The following SMARCA1 variants were observed in gnomAD, a reference collection of about 807,000 sequenced individuals.
SMARCA1 encodes the protein SWI/SNF-related matrix-associated actin-dependent regulator of chromatin subfamily A member 1.
A neutral mutation model predicts 93.6 loss-of-function variants in SMARCA1; 17 were observed. The ratio of observed to expected loss-of-function variants is 0.18; its 90% CI spans 0.12 to 0.27. The LOEUF (loss-of-function observed/expected upper bound fraction) is 0.27, where lower values mean the gene tolerates loss of function less well. SMARCA1 is among the 10% of genes least tolerant of loss of function. The pLI is 1.00. For synonymous variants in SMARCA1, 271 were observed against 271.4 expected (o/e 1.00, Z 0.01); for missense variants, 630 against 819.0 (o/e 0.77, Z 2.82).
At chrX:129,471,385 G>A (rs1446752477) in intron 19 of SMARCA1, 59 bp from the exon 20 acceptor site, 1 of 761,624 alleles carries the variant, frequency 1.3e-6, no homozygotes, top group Non-Finnish European at 1.9e-6. Flanking sequence ...TACTAAGGCT[G>A]TATATACACA....
intron 6 of SMARCA1, 89 bp downstream of exon 6, chrX:129,511,715 C>T: frequency 8.3e-6 from 6 of 719,340 alleles, no homozygotes; most frequent in Non-Finnish European, 1.2e-5. Context: ...TAGTAGTCAA[C>T]TCAGATGTTT....
intron 23 of SMARCA1, among the ~76,000 whole-genome samples, chrX:129,457,812 T>C (rs1755589344): frequency 8.9e-6 from 1 of 112,080 alleles, no homozygotes; most frequent in Admixed American, 9.5e-5. Context: ...TGATTTCCTA[T>C]TCCATATGAC....
intron 23 of SMARCA1, among the ~76,000 whole-genome samples, chrX:129,463,348 A>C (rs957965375): frequency 8.9e-6 from 1 of 111,832 alleles, no homozygotes; most frequent in Non-Finnish European, 1.9e-5. Context: ...ACTGTGCTAA[A>C]GGGGACCTTA....
intron 5 of SMARCA1, among the ~76,000 whole-genome samples, chrX:129,513,739 T>C (rs947977875): frequency 4.6e-5 from 5 of 109,622 alleles, no homozygotes; most frequent in African/African-American, 1.7e-4. Context: ...CCTCCCCCTC[T>C]GAGCTGACAA....
intron 19 of SMARCA1, among the ~76,000 whole-genome samples, chrX:129,477,082 G>A (rs971493591): frequency 9.0e-6 from 1 of 111,345 alleles, no homozygotes; most frequent in African/African-American, 3.3e-5. Context: ...TCTAGGATAC[G>A]GCTGAAGAGA....
At chrX:129,499,063 G>A (rs6529380) in intron 10 of SMARCA1, among the ~76,000 whole-genome samples, 13,454 of 109,035 alleles carry the variant, frequency 0.12, 752 homozygotes, top group East Asian at 0.32. Flanking sequence ...TTTGAGACAC[G>A]GTCTCACTCT....
intron 6 of SMARCA1, among the ~76,000 whole-genome samples, chrX:129,509,804 TC>T (rs1319973133): frequency 8.9e-6 from 1 of 111,832 alleles, no homozygotes; most frequent in Non-Finnish European, 1.9e-5. Context: ...CTTTGATACC[TC>T]TGGCGTGGAA....
At chrX:129,475,466 C>G (rs1933339560) in intron 19 of SMARCA1, among the ~76,000 whole-genome samples, 1 of 110,957 alleles carries the variant, frequency 9.0e-6, no homozygotes, top group South Asian at 3.9e-4. Flanking sequence ...TTGCAGTGAG[C>G]TGACACAGTG....
chrX:129,455,101 C>G (rs906844936), intron 23 of SMARCA1, among the ~76,000 whole-genome samples: 4 of 111,581 alleles, frequency 3.6e-5, no homozygotes, highest in Non-Finnish European at 7.5e-5. Flanking sequence ...AATCCCATTA[C>G]TGAGTATGTA....
At chrX:129,492,609 T>TCTGTTGGTTG (rs1934170627) in intron 13 of SMARCA1, among the ~76,000 whole-genome samples, 1 of 111,224 alleles carries the variant, frequency 9.0e-6, no homozygotes, top group Admixed American at 9.6e-5. Flanking sequence ...AGAAGATTTC[T>TCTGTTGGTTG]ATCAGTATGG....
At chrX:129,451,175 T>C (rs1222057842) in intron 23 of SMARCA1, among the ~76,000 whole-genome samples, 1 of 112,244 alleles carries the variant, frequency 8.9e-6, no homozygotes, top group African/African-American at 3.2e-5. Context: ...ACCAAAACAA[T>C]AGTGATATCT....
chrX:129,502,148 A>T (rs750333894), intron 9 of SMARCA1, among the ~76,000 whole-genome samples: 1 of 111,658 alleles, frequency 9.0e-6, no homozygotes, highest in East Asian at 2.8e-4. Flanking sequence ...GAGATACTTA[A>T]GCAAAAAGAC....
chrX:129,509,403 T>A (rs751631280), intron 6 of SMARCA1, among the ~76,000 whole-genome samples: 12 of 109,921 alleles, frequency 1.1e-4, no homozygotes, highest in African/African-American at 4.0e-4. Context: ...GAGATCTCAG[T>A]TGCACCCTGG....
chrX:129,455,456 G>C (rs1338641831), intron 23 of SMARCA1, among the ~76,000 whole-genome samples: 3 of 108,532 alleles, frequency 2.8e-5, no homozygotes, highest in South Asian at 4.2e-4. Context: ...GGCCTGTTGG[G>C]GGGGTGGGGG....
intron 17 of SMARCA1, 86 bp from the exon 18 acceptor site, chrX:129,481,271 TA>T: frequency 1.8e-6 from 1 of 570,610 alleles, no homozygotes; most frequent in Non-Finnish European, 2.8e-6. Context: ...TGCAGAAACA[TA>T]AGGAAGCAAA....
At chrX:129,490,001 TGAA>T in intron 15 of SMARCA1, 56 bp downstream of exon 15, 1 of 912,683 alleles carries the variant, frequency 1.1e-6, no homozygotes, top group Admixed American at 2.9e-5. Flanking sequence ...TAATCTCCTT[TGAA>T]GAAAACTACA....
chrX:129,482,123 T>C (rs199648184), intron 17 of SMARCA1, among the ~76,000 whole-genome samples: 15 of 84,862 alleles, frequency 1.8e-4, no homozygotes, highest in Admixed American at 1.3e-3. Flanking sequence ...TAGGTGGGAA[T>C]TGAACAATGA....
intron 19 of SMARCA1, among the ~76,000 whole-genome samples, chrX:129,479,966 G>A (rs1223327748): frequency 9.0e-6 from 1 of 111,659 alleles, no homozygotes; most frequent in Non-Finnish European, 1.9e-5. Context: ...CCAAAGTGCT[G>A]GGATTACAGG....
Position 129,516,348 on chromosome X carries a change from G to C in SMARCA1, c.411C>G (p.Ser137Arg). The C allele has an allele frequency of 1.7e-6, 2 of 1,208,773 alleles. No individual in the cohort carries two copies. The highest frequency in any genetic ancestry group is 4.4e-5 in the Admixed American group (2 of 45,771). ...CAACATACTCTCCAGCAGAAATTAA[G>C]CTCTGCTTTTCATCTTTCTTTATTC... ...RPRIKKDEKQ[S>R]LISAGDYRHR... The change falls in exon 3 of 25, where the codon AGC (serine) becomes AGG (arginine). Residue 137 changes from serine (S) to arginine (R), a missense_variant. Ser to Arg is a moderately radical substitution (Grantham distance 110). This residue lies in a region of SMARCA1 where 382 missense variants were observed against 537.9 expected (regional missense o/e 0.71). Coordinates refer to ENST00000371121, the MANE Select transcript of SMARCA1 (RefSeq NM_001282874.2).
Sources: gnomAD v4.1 joint callset for allele counts (sites outside exome capture counted in the v4.1 genomes callset) on GRCh38, gnomAD v4.1.1 for gene constraint, gnomAD v4.1.1 regional missense constraint, MANE v1.5 for transcripts, NCBI Gene and HGNC (gene_info 2026-07-23, HGNC 2026-07-21) for gene names.